Variants in LPAR3 observed in about 807,000 individuals in gnomAD.
The protein encoded by LPAR3 is LPA receptor 3.
In LPAR3, 7 loss-of-function variants were observed where a neutral mutation model predicts 17.8. The ratio of observed to expected loss-of-function variants is 0.39; its 90% CI spans 0.22 to 0.74. LPAR3 has a LOEUF of 0.74. Among genes scored for constraint, LPAR3 ranks in the 30% least tolerant of loss-of-function variants. The probability of loss-of-function intolerance (pLI) is 0.40; values close to 1 mark genes in which losing one functional copy is unlikely to be tolerated. For synonymous variants in LPAR3, 179 were observed against 179.9 expected (o/e 0.99, Z 0.04); for missense variants, 391 against 453.4 (o/e 0.86, Z 1.25).
intron 2 of LPAR3, among the ~76,000 whole-genome samples, chr1:84,845,369 A>G (rs976378417): frequency 5.3e-5 from 8 of 152,226 alleles, no homozygotes; most frequent in Admixed American, 4.6e-4. Context: ...ACTGAGGTGT[A>G]GAGAAAACGA....
chr1:84,816,260 C>T (rs898828885), intron 2 of LPAR3, among the ~76,000 whole-genome samples: 5 of 152,166 alleles, frequency 3.3e-5, no homozygotes, highest in Admixed American at 2.6e-4. Flanking sequence ...AGCCATACCA[C>T]CCGATAATTG....
At chr1:84,879,338 A>C (rs1660320427) in intron 1 of LPAR3, among the ~76,000 whole-genome samples, 1 of 37,718 alleles carries the variant, frequency 2.7e-5, no homozygotes, top group African/African-American at 1.4e-4. Context: ...TTGAGATGGA[A>C]TCTCGCTGTG....
rs1274265374 is a variant in LPAR3 at position 84,813,156 on chromosome 1, T to TAGAGAGAGAG, written c.*689_*690insCTCTCTCTCT. 1.4e-3 allele frequency: 144 copies of TAGAGAGAGAG among 102,192 alleles called. 2 individuals are homozygous for TAGAGAGAGAG. The East Asian group carries it at 0.016, about 11-fold the overall frequency. 6.3% of individuals were successfully genotyped at this position (102,192 alleles called of 1,614,324 possible). A position where few individuals can be genotyped will look rare whatever the true frequency, so the allele number is the denominator to read the frequency against. ...ATATATATATATATATATATATATA[T>TAGAGAGAGAG]ATAGACACACACACACACACACACA... is the stretch of plus-strand genomic sequence containing the variant. On this transcript the variant is annotated 3_prime_UTR_variant, in exon 3 of 3. Transcript: ENST00000370611.
chr1:84,861,135 T>A (rs1352079540), intron 2 of LPAR3, among the ~76,000 whole-genome samples: 1 of 152,232 alleles, frequency 6.6e-6, no homozygotes, highest in Non-Finnish European at 1.5e-5. Context: ...AATCCTCCAA[T>A]TATTAAAAAC....
Position 84,865,641 on chromosome 1 carries a change from C to A in LPAR3, c.480G>T (p.Gly160=). The part of the protein sequence containing the change: ...LLVWAIAIFM[G]AVPTLGWNCL... ...AATTCCAGCCCAGTGTGGGGACCGC[C>A]CCCATAAAAATGGCGATGGCCCAGA... is the stretch of plus-strand genomic sequence containing the variant. The change falls in exon 2 of 3, where the codon GGG becomes GGT. Residue 160 remains glycine, a synonymous_variant. Coordinates refer to ENST00000370611, the MANE Select transcript of LPAR3 (RefSeq NM_012152.3). The A allele has an allele frequency of 6.2e-7, 1 of 1,614,140 alleles. No individual in the cohort carries two copies. The highest frequency in any genetic ancestry group is 8.5e-7 in the Non-Finnish European group (1 of 1,180,026).
chr1:84,878,646 T>A (rs1660300386), intron 1 of LPAR3, among the ~76,000 whole-genome samples: 1 of 152,080 alleles, frequency 6.6e-6, no homozygotes, highest in Non-Finnish European at 1.5e-5. Context: ...CTACCTCAGC[T>A]CAGCTGTTGG....
intron 1 of LPAR3, among the ~76,000 whole-genome samples, chr1:84,892,608 G>C (rs1660573392): frequency 6.6e-6 from 1 of 152,196 alleles, no homozygotes; most frequent in Admixed American, 6.5e-5. Context: ...TATATCCCTA[G>C]GCTTCACGAG....
At chr1:84,829,827 C>T (rs1032501313) in intron 2 of LPAR3, among the ~76,000 whole-genome samples, 4 of 152,002 alleles carry the variant, frequency 2.6e-5, no homozygotes, top group African/African-American at 9.7e-5. Flanking sequence ...AGAAAGCGGC[C>T]AAGTAAGGCA....
chr1:84,821,891 G>A (rs1030698077), intron 2 of LPAR3, among the ~76,000 whole-genome samples: 1 of 152,178 alleles, frequency 6.6e-6, no homozygotes, highest in African/African-American at 2.4e-5. Context: ...GGAGGGACAG[G>A]TTTAAGAGGA....
intron 2 of LPAR3, among the ~76,000 whole-genome samples, chr1:84,817,819 C>A (rs1035275904): frequency 4.9e-5 from 7 of 143,240 alleles, no homozygotes; most frequent in African/African-American, 5.0e-5. Context: ...AAAAAAAAAT[C>A]TTTCCTTTAA....
At chr1:84,882,517 C>T (rs1660383946) in intron 1 of LPAR3, among the ~76,000 whole-genome samples, 1 of 152,094 alleles carries the variant, frequency 6.6e-6, no homozygotes, top group African/African-American at 2.4e-5. Flanking sequence ...ACAAAGGACC[C>T]TGAATAGCTA....
intron 1 of LPAR3, among the ~76,000 whole-genome samples, chr1:84,889,514 C>T (rs12046111): frequency 0.66 from 101,116 of 152,106 alleles, 34,039 homozygotes; most frequent in East Asian, 0.85. Flanking sequence ...AATTCCAACA[C>T]GAAATTAAAG....
At chr1:84,873,593 G>A (rs1660198459) in intron 1 of LPAR3, among the ~76,000 whole-genome samples, 1 of 152,150 alleles carries the variant, frequency 6.6e-6, no homozygotes, top group African/African-American at 2.4e-5. Flanking sequence ...AAGCGAATAT[G>A]TTTATTAGAG....
chr1:84,887,011 A>G (rs955483502), intron 1 of LPAR3, among the ~76,000 whole-genome samples: 2 of 152,296 alleles, frequency 1.3e-5, no homozygotes, highest in African/African-American at 4.8e-5. Flanking sequence ...AGAAAAATAA[A>G]GTTCTTCCTT....
chr1:84,873,838 C>T (rs188187706), intron 1 of LPAR3, among the ~76,000 whole-genome samples: 111 of 152,002 alleles, frequency 7.3e-4, no homozygotes, highest in African/African-American at 2.3e-3. Flanking sequence ...CTGCAGCCTC[C>T]GCCTCCCGGG....
chr1:84,837,535 C>T (rs1420311048), intron 2 of LPAR3, among the ~76,000 whole-genome samples: 1 of 152,130 alleles, frequency 6.6e-6, no homozygotes, highest in Non-Finnish European at 1.5e-5. Flanking sequence ...GGAGTGTATA[C>T]ACTGCCAAAC....
At chr1:84,874,624 G>A (rs1208543472) in intron 1 of LPAR3, among the ~76,000 whole-genome samples, 1 of 152,112 alleles carries the variant, frequency 6.6e-6, no homozygotes, top group Non-Finnish European at 1.5e-5. Context: ...CCTTGACTTA[G>A]TTTATCCAAA....
Position 84,892,226 on chromosome 1 carries a change from T to G in LPAR3, c.-19+790A>C, listed in dbSNP as rs904334670. Among the ~76,000 whole-genome samples, 662 of 125,930 alleles carry G rather than the reference T, an allele frequency of 5.3e-3. 5 individuals carry two copies. Among genetic ancestry groups the G allele is most frequent in the African/African-American group, 0.019 (631 of 33,578 alleles). The allele number at this position is 125,930 out of a possible 152,430, so 82.6% of individuals were successfully genotyped here. On this transcript the variant is annotated intron_variant, in intron 1 of 2. Transcript: ENST00000370611. ...AGACTGTGTCTCAAAAATAAATAAA[T>G]AAATAAATAAATAAATAAATAAATA...
intron 2 of LPAR3, among the ~76,000 whole-genome samples, chr1:84,815,224 C>G (rs1372730833): frequency 2.0e-5 from 3 of 152,224 alleles, no homozygotes; most frequent in Non-Finnish European, 4.4e-5. Context: ...TCTTTCTCCA[C>G]AGGCTGTGCC....
Sources: gnomAD v4.1 joint callset for allele counts (sites outside exome capture counted in the v4.1 genomes callset) on GRCh38, gnomAD v4.1.1 for gene constraint, MANE v1.5 for transcripts, NCBI Gene and HGNC (gene_info 2026-07-23, HGNC 2026-07-21) for gene names.